SYNE1: variants seen among roughly 807,000 people sequenced by gnomAD.
SYNE1 encodes nesprin-1.
Under a neutral mutation model 1,111.0 loss-of-function variants are expected in SYNE1, and 616 were observed. The observed-to-expected ratio is 0.55, with a 90% confidence interval of 0.52 to 0.59. The LOEUF (loss-of-function observed/expected upper bound fraction) is 0.59. Among genes scored for constraint, SYNE1 ranks in the 20% least tolerant of loss-of-function variants. The probability of loss-of-function intolerance (pLI) is 0.00; values close to 1 mark genes in which losing one functional copy is unlikely to be tolerated. For missense variants in SYNE1, 10,006 were observed against 10,417.0 expected, an observed-to-expected ratio of 0.96 and a Z score of 1.72; for synonymous variants, 3,855 against 3,825.8, an observed-to-expected ratio of 1.01 and a Z score of -0.28.
At chr6:152,146,974 A>G (rs891014369) in intron 137 of SYNE1, 1 of 152,320 alleles carries the variant, frequency 6.6e-6, no homozygotes, top group African/African-American at 2.4e-5. Context: ...GCATTTGGAT[A>G]TTCTGCAGGT....
chr6:152,382,383 T>C (rs1036027554), intron 55 of SYNE1, among the ~76,000 whole-genome samples: 7 of 152,216 alleles, frequency 4.6e-5, no homozygotes, highest in Admixed American at 1.3e-4. Context: ...TAATAAATTA[T>C]GTTAAGCATA....
At chr6:152,270,843 G>C (rs1177733200) in intron 98 of SYNE1, among the ~76,000 whole-genome samples, 2 of 152,160 alleles carry the variant, frequency 1.3e-5, no homozygotes, top group Non-Finnish European at 2.9e-5. Context: ...ATTGCACTCT[G>C]CATGACGAGA....
intron 50 of SYNE1, among the ~76,000 whole-genome samples, chr6:152,396,360 T>C (rs1028755922): frequency 2.0e-5 from 3 of 152,174 alleles, no homozygotes; most frequent in Admixed American, 6.5e-5. Flanking sequence ...CTTCTAATCG[T>C]ATATTCACCA....
At chr6:152,555,410 G>C (rs149045516) in intron 3 of SYNE1, among the ~76,000 whole-genome samples, 2 of 152,252 alleles carry the variant, frequency 1.3e-5, no homozygotes, top group South Asian at 2.1e-4. Context: ...ACAGTGTTCA[G>C]TACAGTAAAA....
chr6:152,282,825 T>C (rs1322714651), intron 96 of SYNE1, among the ~76,000 whole-genome samples: 1 of 152,136 alleles, frequency 6.6e-6, no homozygotes, highest in East Asian at 1.9e-4. Flanking sequence ...TTTTTGCCGT[T>C]ACTTTTGCAC....
intron 132 of SYNE1, 64 bp from the exon 133 acceptor site, chr6:152,155,106 T>C: frequency 6.2e-7 from 1 of 1,603,882 alleles, no homozygotes; most frequent in Middle Eastern, 1.7e-4. Flanking sequence ...CAGAACCCGG[T>C]CTGCTGCCTG....
chr6:152,549,447 G>C (rs369388621), intron 3 of SYNE1, among the ~76,000 whole-genome samples: 2 of 152,150 alleles, frequency 1.3e-5, no homozygotes, highest in East Asian at 1.9e-4. Context: ...TTACATGTGT[G>C]GGGGGGCGGT....
chr6:152,523,611 G>C (rs996391206), intron 5 of SYNE1, among the ~76,000 whole-genome samples: 1 of 151,994 alleles, frequency 6.6e-6, no homozygotes, highest in Non-Finnish European at 1.5e-5. Flanking sequence ...ATTTTGATAG[G>C]AATTGCATTG....
At chr6:152,295,201 G>C (rs925678636) in intron 93 of SYNE1, among the ~76,000 whole-genome samples, 1 of 152,090 alleles carries the variant, frequency 6.6e-6, no homozygotes, top group African/African-American at 2.4e-5. Context: ...GTCCAATCTT[G>C]GGTGGGATTG....
At position 152,133,341 on chromosome 6, in the gene SYNE1, A is replaced by T; in HGVS notation, c.25936T>A (p.Leu8646Met). Reference sequence around the variant, plus strand: ...TTGATATGACGACTGACCTCCTTCAAGAGAAGTTTGAGCCGATTTCCAATA... The same window carrying T: ...TTGATATGACGACTGACCTCCTTCATGAGAAGTTTGAGCCGATTTCCAATA... ...HVIGNRLKLL[L>M]KEVSRHIKEL... The change falls in exon 143 of 146, where the codon TTG becomes ATG. Residue 8646 changes from leucine (L) to methionine (M), a missense_variant. By Grantham distance (15) the Leu-to-Met change is conservative. Around this residue, in one of 7 missense-constraint regions of SYNE1, gnomAD observed 761 missense variants for 795.5 expected, o/e 0.96. Coordinates refer to ENST00000367255, the MANE Select transcript of SYNE1 (RefSeq NM_182961.4). 6.2e-7 allele frequency: 1 copy of T among 1,614,172 alleles called. No homozygotes were observed. The highest frequency in any genetic ancestry group is 8.5e-7 in the Non-Finnish European group (1 of 1,180,014).
At chr6:152,484,787 T>C in intron 13 of SYNE1, 48 bp downstream of exon 13, 1 of 1,599,308 alleles carries the variant, frequency 6.3e-7, no homozygotes, top group Non-Finnish European at 8.6e-7. Context: ...AAAAATATTC[T>C]TTTCTAAATT....
At chr6:152,167,829 C>T (rs2153057754) in intron 130 of SYNE1, 1 of 627,992 alleles carries the variant, frequency 1.6e-6, no homozygotes, top group Non-Finnish European at 3.1e-6. Context: ...CTACTCTAGC[C>T]ATACTCCTTG....
At chr6:152,224,379 A>G in intron 117 of SYNE1, 115 bp downstream of exon 117, 1 of 1,010,216 alleles carries the variant, frequency 9.9e-7, no homozygotes, top group Non-Finnish European at 1.5e-6. Flanking sequence ...ATCTTAAAAA[A>G]TAATTAAACG....
intron 3 of SYNE1, among the ~76,000 whole-genome samples, chr6:152,580,743 T>C (rs1057118837): frequency 6.6e-6 from 1 of 152,094 alleles, no homozygotes; most frequent in Non-Finnish European, 1.5e-5. Flanking sequence ...CATCAGTATT[T>C]AAGTCTTCTA....
rs556216991 is a variant in SYNE1 at position 152,182,076 on chromosome 6, G to A, written c.23302-1782C>T. Among the ~76,000 whole-genome samples, 84 of 152,242 alleles carry A rather than the reference G, an allele frequency of 5.5e-4. No homozygotes were observed. In the South Asian group the frequency reaches 0.015, roughly 26 times the overall value. ...TTTGGAGAATTATCTACTCAAATCC[G>A]TTGCCTGCTTTTTAATTAGATTGCC... On this transcript the variant is annotated intron_variant, in intron 128 of 145. Transcript: ENST00000367255.
chr6:152,542,552 G>A (rs1271386636), intron 3 of SYNE1, among the ~76,000 whole-genome samples: 1 of 151,822 alleles, frequency 6.6e-6, no homozygotes, highest in African/African-American at 2.4e-5. Context: ...AGATCTATGA[G>A]CAGCAACTAT....
At chr6:152,222,578 A>G (rs1038405948) in intron 117 of SYNE1, among the ~76,000 whole-genome samples, 1 of 152,254 alleles carries the variant, frequency 6.6e-6, no homozygotes, top group Admixed American at 6.5e-5. Flanking sequence ...TTTGTAGGGT[A>G]CTATATGATG....
At chr6:152,302,428 C>T (rs1017240614) in intron 91 of SYNE1, among the ~76,000 whole-genome samples, 1 of 152,230 alleles carries the variant, frequency 6.6e-6, no homozygotes, top group Non-Finnish European at 1.5e-5. Flanking sequence ...CTGAAATTTA[C>T]CAGATGGTTC....
chr6:152,625,168 A>C (rs564531879), intron 3 of SYNE1, among the ~76,000 whole-genome samples: 236 of 152,326 alleles, frequency 1.5e-3, no homozygotes, highest in Non-Finnish European at 2.1e-3. Flanking sequence ...CTGGGCAATA[A>C]TACCAGCCCT....
Sources: allele counts gnomAD v4.1 joint callset (sites outside exome capture counted in the v4.1 genomes callset), GRCh38; gene constraint gnomAD v4.1.1; regional missense constraint gnomAD v4.1.1; transcripts MANE v1.5; gene names NCBI Gene and HGNC (gene_info 2026-07-23, HGNC 2026-07-21).